The following MAGI1 variants were observed in gnomAD, a reference collection of about 807,000 sequenced individuals.
MAGI1 encodes the protein membrane-associated guanylate kinase, WW and PDZ domain-containing protein 1.
Under a neutral mutation model 139.9 loss-of-function variants are expected in MAGI1, and 58 were observed. The ratio of observed to expected loss-of-function variants is 0.41; its 90% CI spans 0.34 to 0.52. The LOEUF (loss-of-function observed/expected upper bound fraction) is 0.52. Ranked by LOEUF, MAGI1 falls within the 20% of genes least tolerant of loss-of-function variation. The pLI is 0.12. For synonymous variants in MAGI1, 812 were observed against 737.9 expected, an observed-to-expected ratio of 1.10 and a Z score of -1.63; for missense variants, 1,874 against 1,901.6, an observed-to-expected ratio of 0.99 and a Z score of 0.27.
intron 13 of MAGI1, among the ~76,000 whole-genome samples, chr3:65,393,728 T>C (rs1387904788): frequency 1.3e-5 from 2 of 152,158 alleles, no homozygotes; most frequent in Non-Finnish European, 2.9e-5. Flanking sequence ...GGTCGGCCTA[T>C]AAGCACTAAA....
At chr3:66,026,837 G>A (rs1025785095) in intron 1 of MAGI1, among the ~76,000 whole-genome samples, 5 of 107,398 alleles carry the variant, frequency 4.7e-5, no homozygotes, top group African/African-American at 6.1e-5. Flanking sequence ...ACTATCTTCC[G>A]TGGGGTCACC....
At chr3:65,704,333 C>G (rs2089813932) in intron 1 of MAGI1, among the ~76,000 whole-genome samples, 1 of 152,196 alleles carries the variant, frequency 6.6e-6, no homozygotes, top group Non-Finnish European at 1.5e-5. Flanking sequence ...ACAGTTGTTA[C>G]CAAATGAGCA....
chr3:65,879,379 G>C (rs1344473613), intron 1 of MAGI1, among the ~76,000 whole-genome samples: 2 of 151,968 alleles, frequency 1.3e-5, no homozygotes, highest in Admixed American at 6.6e-5. Flanking sequence ...TGGGAGTAAA[G>C]GTTCCAAGCA....
intron 2 of MAGI1, among the ~76,000 whole-genome samples, chr3:65,536,362 T>C (rs928907514): frequency 3.9e-5 from 6 of 152,180 alleles, no homozygotes; most frequent in African/African-American, 1.2e-4. Flanking sequence ...AAATAAAAAG[T>C]GACCTGGATA....
intron 1 of MAGI1, among the ~76,000 whole-genome samples, chr3:65,889,687 A>C (rs1194589407): frequency 2.0e-5 from 3 of 152,196 alleles, no homozygotes; most frequent in Non-Finnish European, 2.9e-5. Flanking sequence ...CAGTGAAAGA[A>C]TCTGTACTAA....
Position 65,369,805 on chromosome 3 carries a change from G to A in MAGI1, c.3197-4859C>T, listed in dbSNP as rs534343875. ...ATTACAGGCATGAGCTACCATGCCCGGCCCCAGACGTGATGGATTTCTAAG... is the reference window on the plus strand; with the variant it reads ...ATTACAGGCATGAGCTACCATGCCCAGCCCCAGACGTGATGGATTTCTAAG... On this transcript the variant is annotated intron_variant, in intron 18 of 22. Coordinates refer to ENST00000402939, the MANE Select transcript of MAGI1 (RefSeq NM_001033057.2). Among the ~76,000 whole-genome samples, 15 of 150,304 alleles carry A rather than the reference G, an allele frequency of 1.0e-4. No homozygotes were observed. In the East Asian group the frequency reaches 3.0e-3, roughly 30 times the overall value.
chr3:65,606,632 T>C (rs1180000768), intron 2 of MAGI1, among the ~76,000 whole-genome samples: 1 of 152,116 alleles, frequency 6.6e-6, no homozygotes, highest in Non-Finnish European at 1.5e-5. Flanking sequence ...ACTCTCCTGC[T>C]TAGGCCTCCT....
At chr3:65,615,905 G>A (rs1191065475) in intron 2 of MAGI1, among the ~76,000 whole-genome samples, 3 of 152,196 alleles carry the variant, frequency 2.0e-5, no homozygotes, top group Admixed American at 6.6e-5. Flanking sequence ...CCTTGACACA[G>A]TAACGCCCTT....
At chr3:65,560,963 C>T (rs2080318597) in intron 2 of MAGI1, among the ~76,000 whole-genome samples, 1 of 152,148 alleles carries the variant, frequency 6.6e-6, no homozygotes, top group African/African-American at 2.4e-5. Context: ...GTAGATCTTT[C>T]CTTCAGTAAT....
intron 1 of MAGI1, among the ~76,000 whole-genome samples, chr3:65,927,934 A>T (rs1336610415): frequency 6.6e-6 from 1 of 152,228 alleles, no homozygotes; most frequent in Non-Finnish European, 1.5e-5. Context: ...ATCAAGAATG[A>T]TGAGTATCTG....
At chr3:65,462,759 GT>G (rs1353530525) in intron 5 of MAGI1, among the ~76,000 whole-genome samples, 1 of 152,158 alleles carries the variant, frequency 6.6e-6, no homozygotes, top group Non-Finnish European at 1.5e-5. Context: ...AGCATGGAAT[GT>G]TTTTCCATTT....
intron 1 of MAGI1, among the ~76,000 whole-genome samples, chr3:65,627,485 C>CTTTT (rs779588733): frequency 7.1e-5 from 2 of 28,354 alleles, no homozygotes; most frequent in African/African-American, 2.4e-4. Context: ...ATTTCTGTAT[C>CTTTT]TTTTTTTTTT....
At chr3:65,852,979 CAA>C (rs57460083) in intron 1 of MAGI1, among the ~76,000 whole-genome samples, 9,090 of 104,078 alleles carry the variant, frequency 0.087, 892 homozygotes, top group African/African-American at 0.24. Context: ...ACTAAAAATA[CAA>C]AAAAAAAAAA....
chr3:65,370,067 T>C (rs944304276), intron 18 of MAGI1, among the ~76,000 whole-genome samples: 16 of 152,314 alleles, frequency 1.1e-4, no homozygotes, highest in African/African-American at 3.6e-4. Flanking sequence ...CTTTGTCTTC[T>C]GGGGGTTTGC....
intron 1 of MAGI1, among the ~76,000 whole-genome samples, chr3:65,831,585 T>C (rs1215484805): frequency 1.3e-5 from 2 of 152,192 alleles, no homozygotes; most frequent in Non-Finnish European, 1.5e-5. Context: ...AAAGTTGGCA[T>C]GCTACCACTA....
intron 2 of MAGI1, among the ~76,000 whole-genome samples, chr3:65,578,260 G>T (rs1026023047): frequency 6.6e-6 from 1 of 152,040 alleles, no homozygotes; most frequent in African/African-American, 2.4e-5. Context: ...ATTTCTGCCA[G>T]GAATCACACA....
At chr3:65,671,886 A>C (rs1426608340) in intron 1 of MAGI1, among the ~76,000 whole-genome samples, 1 of 152,142 alleles carries the variant, frequency 6.6e-6, no homozygotes, top group African/African-American at 2.4e-5. Flanking sequence ...AATCCTCATA[A>C]GGAAATCCTC....
chr3:65,361,066 A>G (rs1320660385), intron 22 of MAGI1, 133 bp downstream of exon 22: 3 of 1,560,696 alleles, frequency 1.9e-6, no homozygotes, highest in Non-Finnish European at 2.6e-6. Context: ...GAGGCAAATA[A>G]TCACATGGTG....
intron 1 of MAGI1, among the ~76,000 whole-genome samples, chr3:65,998,229 A>T (rs1347568036): frequency 2.0e-5 from 3 of 151,822 alleles, no homozygotes; most frequent in Admixed American, 1.3e-4. Context: ...TGCTCTGGGT[A>T]TGTGCTGAAA....
Sources: gnomAD v4.1 joint callset for allele counts (sites outside exome capture counted in the v4.1 genomes callset) on GRCh38, gnomAD v4.1.1 for gene constraint, MANE v1.5 for transcripts, NCBI Gene and HGNC (gene_info 2026-07-23, HGNC 2026-07-21) for gene names.